The following MATR3 variants were observed in gnomAD, a reference collection of about 807,000 sequenced individuals.
MATR3 encodes matrin-3.
A neutral mutation model predicts 85.5 loss-of-function variants in MATR3; 4 were observed. The observed-to-expected ratio is 0.05, with a 90% CI of 0.02 to 0.11. The LOEUF is 0.11. Ranked by LOEUF, MATR3 falls within the 10% of genes least tolerant of loss-of-function variation. MATR3 has a pLI of 1.00. For synonymous variants in MATR3, 336 were observed against 343.1 expected, an observed-to-expected ratio of 0.98 and a Z score of 0.23; for missense variants, 685 against 1,016.1, an observed-to-expected ratio of 0.67 and a Z score of 4.43.
At chr5:139,278,310 C>T (rs1328763093) in intron 2 of MATR3, 1 of 453,718 alleles carries the variant, frequency 2.2e-6, no homozygotes, top group Non-Finnish European at 4.4e-6. Context: ...ACTAAGTTTG[C>T]TTGTCTTCCT....
At chr5:139,290,893 G>A (rs780254237), upstream of MATR3, among the ~76,000 whole-genome samples, 30 of 152,218 alleles carry the variant, frequency 2.0e-4, no homozygotes, top group Middle Eastern at 3.4e-3. Context: ...CTGAACTTGC[G>A]TTGGATAGTA....
At chr5:139,296,751 T>C (rs949196377) in intron 1 of MATR3, among the ~76,000 whole-genome samples, 2 of 152,242 alleles carry the variant, frequency 1.3e-5, no homozygotes, top group Non-Finnish European at 2.9e-5. Context: ...GCTTACAATA[T>C]GAATTGCAGC....
chr5:139,286,130 A>C (rs540810206), intron 3 of MATR3, among the ~76,000 whole-genome samples: 1 of 152,264 alleles, frequency 6.6e-6, no homozygotes, highest in East Asian at 1.9e-4. Flanking sequence ...ACTCCTTTGT[A>C]AGACCTGACC....
chr5:139,325,953 A>G (rs1010808184), intron 13 of MATR3, among the ~76,000 whole-genome samples: 5 of 151,698 alleles, frequency 3.3e-5, no homozygotes, highest in Non-Finnish European at 7.4e-5. Flanking sequence ...TTTCTGTATT[A>G]TATTTCTTTT....
In MATR3 at chr5:139,324,678, A is replaced by G. The variant is rs138615424; in HGVS notation, c.2149-762A>G. ...TGCAGTATACTGTCTTACAAAGGAT[A>G]TTGCTCAACTTTTACCAAATCAAGT... On this transcript the variant is annotated intron_variant, in intron 12 of 14. Coordinates refer to ENST00000394805, the MANE Select transcript of MATR3 (RefSeq NM_018834.6). 4.3e-3 allele frequency among the ~76,000 whole-genome samples: 656 copies of G among 152,250 alleles called. 6 individuals are homozygous for G. Among genetic ancestry groups the G allele is most frequent in the Admixed American group, 6.7e-3 (102 of 15,278 alleles).
intron 2 of MATR3, among the ~76,000 whole-genome samples, chr5:139,308,948 C>T (rs561893395): frequency 3.5e-4 from 53 of 152,134 alleles, no homozygotes; most frequent in African/African-American, 1.1e-3. Flanking sequence ...CTTAAACATA[C>T]TTCAAAACTC....
Position 139,307,139 on chromosome 5 carries a change from G to GT in MATR3, c.-177-90dup, listed in dbSNP as rs796858947. 5,836 of 780,898 alleles carry GT rather than the reference G, an allele frequency of 7.5e-3. 2 individuals carry two copies. The highest frequency in any genetic ancestry group is 0.013 in the African/African-American group (668 of 53,308). The allele number at this position is 780,898 out of a possible 1,614,324, so 48.4% of individuals were successfully genotyped here. On this transcript the variant is annotated intron_variant, in intron 1 of 14. Transcript: ENST00000394805. The surrounding 1 kb of genome is among the most constrained non-coding windows in gnomAD (Gnocchi z 4.4). ...TCCTTGTAAGTTTGAGATCTTAAATGTTTTTTTTTTAAATCAACATGATGC... is the reference window on the plus strand; with the variant it reads ...TCCTTGTAAGTTTGAGATCTTAAATGTTTTTTTTTTTAAATCAACATGATGC...
chr5:139,289,533 A>G (rs1753807914), upstream of MATR3, among the ~76,000 whole-genome samples: 1 of 152,262 alleles, frequency 6.6e-6, no homozygotes, highest in Non-Finnish European at 1.5e-5. Context: ...GAGTAAATTG[A>G]TATTAGCTGA....
Position 139,330,206 on chromosome 5 carries a change from T to C in MATR3, c.*811T>C. 2.2e-6 allele frequency: 1 copy of C among 454,438 alleles called. No homozygotes were observed. The highest frequency in any genetic ancestry group is 1.6e-5 in the South Asian group (1 of 64,474). 28.2% of individuals were successfully genotyped at this position (454,438 alleles called of 1,614,324 possible). ...TCTTCATATTTTCAAGATGTAATTTTACATTTCTGCATTTTTAAAACAGTT... is the reference window on the plus strand; with the variant it reads ...TCTTCATATTTTCAAGATGTAATTTCACATTTCTGCATTTTTAAAACAGTT... On this transcript the variant is annotated 3_prime_UTR_variant, in exon 15 of 15. Coordinates refer to ENST00000394805, the MANE Select transcript of MATR3 (RefSeq NM_018834.6).
At chr5:139,315,467 A>G (rs1755195422) in intron 3 of MATR3, 1 of 476,832 alleles carries the variant, frequency 2.1e-6, no homozygotes, top group Non-Finnish European at 3.8e-6. Flanking sequence ...TAATTTCAAC[A>G]TTATCTGCAT....
intron 2 of MATR3, 151 bp from the exon 3 acceptor site, chr5:139,314,524 T>G: frequency 1.5e-6 from 1 of 674,456 alleles, no homozygotes; most frequent in Non-Finnish European, 2.7e-6. Context: ...AGAGAAATGG[T>G]TTTAAATTAA....
intron 1 of MATR3, among the ~76,000 whole-genome samples, chr5:139,306,965 C>T (rs542025165): frequency 2.0e-5 from 3 of 152,046 alleles, no homozygotes; most frequent in Non-Finnish European, 4.4e-5. Flanking sequence ...TTTTGATGTA[C>T]TCAGACATCT....
At chr5:139,314,952 T>C (rs546285299) in intron 3 of MATR3, 26 of 494,228 alleles carry the variant, frequency 5.3e-5, no homozygotes, top group South Asian at 4.9e-4. Context: ...TTAACATTTC[T>C]AGGATACATA....
At chr5:139,282,869 A>C (rs1753580530) in intron 3 of MATR3, 1 of 152,308 alleles carries the variant, frequency 6.6e-6, no homozygotes, top group Non-Finnish European at 1.5e-5. Context: ...TCTGTCATCC[A>C]GGCTGGAGTG....
At chr5:139,321,469 T>G (rs948222030) in intron 9 of MATR3, among the ~76,000 whole-genome samples, 2 of 151,176 alleles carry the variant, frequency 1.3e-5, no homozygotes, top group African/African-American at 4.9e-5. Context: ...ATTCAGTGAA[T>G]TTTTAACTCT....
intron 1 of MATR3, among the ~76,000 whole-genome samples, chr5:139,300,323 C>T (rs1364451336): frequency 1.3e-5 from 2 of 152,138 alleles, no homozygotes; most frequent in African/African-American, 4.8e-5. Flanking sequence ...CAAGATCACG[C>T]CATTGCACTC....
In MATR3 at chr5:139,330,267, T is replaced by G. The variant is rs1756073129; in HGVS notation, c.*872T>G. On this transcript the variant is annotated 3_prime_UTR_variant, in exon 15 of 15. Transcript: ENST00000394805. Reference sequence around the variant, plus strand: ...CCTAGATGCACGCTTCTAATTCATGTACCTGCACATGTGACCTTTGTGAAC... The same window carrying G: ...CCTAGATGCACGCTTCTAATTCATGGACCTGCACATGTGACCTTTGTGAAC... 2.2e-6 allele frequency: 1 copy of G among 453,710 alleles called. No individual in the cohort carries two copies. The highest frequency in any genetic ancestry group is 4.4e-6 in the Non-Finnish European group (1 of 226,346). 28.1% of individuals were successfully genotyped at this position (453,710 alleles called of 1,614,324 possible). A position where few individuals can be genotyped will look rare whatever the true frequency, so the allele number is the denominator to read the frequency against.
At chr5:139,300,459 C>T (rs184409534) in intron 1 of MATR3, among the ~76,000 whole-genome samples, 54 of 152,276 alleles carry the variant, frequency 3.5e-4, no homozygotes, top group Admixed American at 2.4e-3. Context: ...AAAGAGACTA[C>T]GGTGCAGATA....
intron 1 of MATR3, among the ~76,000 whole-genome samples, chr5:139,302,306 G>A (rs933268115): frequency 2.0e-5 from 3 of 152,122 alleles, no homozygotes; most frequent in Non-Finnish European, 4.4e-5. Context: ...GCCATACTGA[G>A]ATGAGATTGT....
Sources: allele counts gnomAD v4.1 joint callset (sites outside exome capture counted in the v4.1 genomes callset), GRCh38; gene constraint gnomAD v4.1.1; non-coding constraint Gnocchi (gnomAD v3.1); transcripts MANE v1.5; gene names NCBI Gene and HGNC (gene_info 2026-07-23, HGNC 2026-07-21).